ADAMTS2: variants seen among roughly 807,000 people sequenced by gnomAD.
The protein encoded by ADAMTS2 is ADAM metallopeptidase with thrombospondin type 1 motif 2, also known as A disintegrin and metalloproteinase with thrombospondin motifs 2.
In ADAMTS2, 50 loss-of-function variants were observed where a neutral mutation model predicts 123.0. The ratio of observed to expected loss-of-function variants is 0.41; its 90% CI spans 0.32 to 0.51. ADAMTS2 has a LOEUF of 0.51. Among genes scored for constraint, ADAMTS2 ranks in the 20% least tolerant of loss-of-function variants. The pLI, the probability that ADAMTS2 is intolerant of heterozygous loss-of-function variation, is 0.35. For synonymous variants in ADAMTS2, 678 were observed against 695.4 expected (o/e 0.98, Z 0.39); for missense variants, 1,494 against 1,705.2 (o/e 0.88, Z 2.18).
chr5:179,200,760 A>T (rs1161724408), intron 4 of ADAMTS2, among the ~76,000 whole-genome samples: 1 of 152,182 alleles, frequency 6.6e-6, no homozygotes, highest in Non-Finnish European at 1.5e-5. Flanking sequence ...AGACTGCAGG[A>T]TCTTTCCCTG....
chr5:179,222,768 G>C (rs546370981), intron 3 of ADAMTS2, among the ~76,000 whole-genome samples: 1 of 152,010 alleles, frequency 6.6e-6, no homozygotes, highest in African/African-American at 2.4e-5. Context: ...CAGAGGTGAC[G>C]TGGCTGCCAT....
intron 3 of ADAMTS2, 142 bp from the exon 4 acceptor site, chr5:179,207,857 G>A (rs796861455): frequency 5.6e-5 from 43 of 773,456 alleles, no homozygotes; most frequent in East Asian, 5.4e-4. Flanking sequence ...AGAGGAAAGC[G>A]AGGTGCAGAG....
At chr5:179,210,966 C>A (rs150243103) in intron 3 of ADAMTS2, among the ~76,000 whole-genome samples, 2 of 152,356 alleles carry the variant, frequency 1.3e-5, no homozygotes, top group East Asian at 3.9e-4. Context: ...CAGACCTGTT[C>A]CCCAAATAGA....
At chr5:179,342,041 G>C (rs1248707785) in intron 2 of ADAMTS2, among the ~76,000 whole-genome samples, 1 of 152,242 alleles carries the variant, frequency 6.6e-6, no homozygotes, top group East Asian at 1.9e-4. Flanking sequence ...GTGTCCGTCA[G>C]CCACCCTGAC....
At chr5:179,330,102 C>A (rs187321103) in intron 2 of ADAMTS2, among the ~76,000 whole-genome samples, 3 of 142,768 alleles carry the variant, frequency 2.1e-5, no homozygotes, top group African/African-American at 7.7e-5. Context: ...GTCCGCAGTC[C>A]GGCCTGGGCG....
At chr5:179,274,538 A>ACC (rs34652287) in intron 2 of ADAMTS2, among the ~76,000 whole-genome samples, 10 of 150,250 alleles carry the variant, frequency 6.7e-5, no homozygotes, top group Non-Finnish European at 1.0e-4. Context: ...CGGAAACCAC[A>ACC]CCCCCCCCAA....
chr5:179,248,534 T>C lies in ADAMTS2; in HGVS notation c.688+24377A>G, dbSNP rs545478457. ...TCAAAATACACAAATAGTTTGAAAA[T>C]GAAAAGATGGATAAAGAAATGCTAT... On this transcript the variant is annotated intron_variant, in intron 3 of 21. Coordinates refer to ENST00000251582, the MANE Select transcript of ADAMTS2 (RefSeq NM_014244.5). 4.0e-5 allele frequency among the ~76,000 whole-genome samples: 6 copies of C among 151,484 alleles called. No homozygotes were observed. In the South Asian group the frequency reaches 1.3e-3, roughly 32 times the overall value.
chr5:179,290,407 A>G (rs1212585681), intron 2 of ADAMTS2, among the ~76,000 whole-genome samples: 1 of 152,268 alleles, frequency 6.6e-6, no homozygotes, highest in African/African-American at 2.4e-5. Flanking sequence ...CAGAACCATG[A>G]GCTAAATAAG....
intron 4 of ADAMTS2, among the ~76,000 whole-genome samples, chr5:179,203,579 C>A (rs1029747409): frequency 6.6e-6 from 1 of 152,228 alleles, no homozygotes; most frequent in Non-Finnish European, 1.5e-5. Flanking sequence ...GTAGGCAGAT[C>A]CTCTGTGCAC....
chr5:179,297,579 C>T (rs1157425990), intron 2 of ADAMTS2, among the ~76,000 whole-genome samples: 1 of 152,096 alleles, frequency 6.6e-6, no homozygotes, highest in African/African-American at 2.4e-5. Context: ...CTCCCAGGAC[C>T]CTCCCTCAAG....
intron 3 of ADAMTS2, among the ~76,000 whole-genome samples, chr5:179,263,568 C>T (rs529526426): frequency 6.6e-5 from 10 of 152,328 alleles, no homozygotes; most frequent in East Asian, 5.8e-4. Context: ...GGATGGGAGG[C>T]GTGGGAGGCG....
intron 21 of ADAMTS2, among the ~76,000 whole-genome samples, chr5:179,119,070 C>T (rs1762708859): frequency 2.6e-5 from 4 of 152,204 alleles, no homozygotes; most frequent in Admixed American, 2.6e-4. Flanking sequence ...CCAGATGTGC[C>T]CTCCTTGGCA....
In ADAMTS2 at chr5:179,113,832, G is replaced by A; in HGVS notation, c.*35C>T. 2.5e-6 allele frequency: 4 copies of A among 1,602,816 alleles called. No individual in the cohort carries two copies. Among genetic ancestry groups the A allele is most frequent in the Non-Finnish European group, 3.4e-6 (4 of 1,169,814 alleles). ...TCCCATGGAATATCTCTATAAGCAA[G>A]AAAAAAATGCTAGGGATGCTATCTT... On this transcript the variant is annotated 3_prime_UTR_variant, in exon 22 of 22. Coordinates refer to ENST00000251582, the MANE Select transcript of ADAMTS2 (RefSeq NM_014244.5).
chr5:179,292,114 C>A (rs183936079), intron 2 of ADAMTS2, among the ~76,000 whole-genome samples: 1 of 151,968 alleles, frequency 6.6e-6, no homozygotes, highest in Non-Finnish European at 1.5e-5. Context: ...TGGGCAAGAT[C>A]CACATTGGTG....
At chr5:179,200,143 C>T (rs1000722409) in intron 4 of ADAMTS2, among the ~76,000 whole-genome samples, 16 of 151,598 alleles carry the variant, frequency 1.1e-4, no homozygotes, top group Non-Finnish European at 4.4e-5. Context: ...AATATCCTGA[C>T]GAGTTTTGCA....
rs771640496 is a variant in ADAMTS2, at chr5:179,185,638, C to A, written c.892-4483G>T. On this transcript the variant is annotated intron_variant, in intron 4 of 21. Transcript: ENST00000251582. This position sits in a 1 kb window ranked among gnomAD's most constrained non-coding sequence, Gnocchi z 5.9. ...TGACCAACCACTCCAAAAGCCCCGT[C>A]GCTGGGCATGGAACTCCCTGGGATA... Among the ~76,000 whole-genome samples, 21 of 152,202 alleles carry A rather than the reference C, an allele frequency of 1.4e-4. No homozygotes were observed. The highest frequency in any genetic ancestry group is 5.1e-4 in the African/African-American group (21 of 41,530).
rs139912853 is a variant in ADAMTS2 at position 179,280,306 on chromosome 5, C to T, written c.535-7242G>A. Among the ~76,000 whole-genome samples the T allele has an allele frequency of 1.0e-3, 155 of 152,168 alleles. 2 individuals are homozygous for T. In the East Asian group the frequency reaches 0.027, roughly 27 times the overall value. On this transcript the variant is annotated intron_variant, in intron 2 of 21. Transcript: ENST00000251582. The stretch of plus-strand genomic sequence containing the variant: ...CCACTTTGAAGGGCAGGGTGGGGGG[C>T]GAGGCAGGCAGGGAGAGTAAGCACT...
intron 4 of ADAMTS2, among the ~76,000 whole-genome samples, chr5:179,205,197 G>A (rs961814505): frequency 6.6e-6 from 1 of 152,236 alleles, no homozygotes; most frequent in African/African-American, 2.4e-5. Flanking sequence ...GGCACCAGGA[G>A]AAAGGTTGAT....
intron 20 of ADAMTS2, among the ~76,000 whole-genome samples, chr5:179,122,440 C>T (rs769112705): frequency 1.3e-5 from 2 of 152,172 alleles, no homozygotes; most frequent in Non-Finnish European, 2.9e-5. Flanking sequence ...CAGGGAGGGG[C>T]GAGTCAGCTC....
Sources: allele counts gnomAD v4.1 joint callset (sites outside exome capture counted in the v4.1 genomes callset), GRCh38; gene constraint gnomAD v4.1.1; non-coding constraint Gnocchi (gnomAD v3.1); transcripts MANE v1.5; gene names NCBI Gene and HGNC (gene_info 2026-07-23, HGNC 2026-07-21).